Variants in ELAVL2 observed in about 807,000 individuals in gnomAD.
The protein encoded by ELAVL2 is ELAV-like protein 2.
Under a neutral mutation model 34.6 loss-of-function variants are expected in ELAVL2, and 4 were observed. The ratio of observed to expected loss-of-function variants is 0.12; its 90% CI spans 0.06 to 0.26. The LOEUF (loss-of-function observed/expected upper bound fraction) is 0.26, where lower values mean the gene tolerates loss of function less well. Ranked by LOEUF, ELAVL2 falls within the 10% of genes least tolerant of loss-of-function variation. ELAVL2 has a pLI of 1.00. For missense variants in ELAVL2, 432 were observed against 442.8 expected, an observed-to-expected ratio of 0.98 and a Z score of 0.22; for synonymous variants, 193 against 154.8, an observed-to-expected ratio of 1.25 and a Z score of -1.83.
intron 2 of ELAVL2, among the ~76,000 whole-genome samples, chr9:23,751,572 G>A (rs146582799): frequency 4.6e-4 from 70 of 152,196 alleles, no homozygotes; most frequent in African/African-American, 1.7e-3. Context: ...ATCTAGACTT[G>A]AACATCATCT....
At chr9:23,788,010 C>T (rs1049351443) in intron 1 of ELAVL2, among the ~76,000 whole-genome samples, 1 of 151,940 alleles carries the variant, frequency 6.6e-6, no homozygotes, top group South Asian at 2.1e-4. Context: ...TAAAAAGGCG[C>T]AAAAAACCAG....
chr9:23,834,035 G>T, the ELAVL2 span, among the ~76,000 whole-genome samples: 2 of 151,786 alleles, frequency 1.3e-5, no homozygotes, highest in African/African-American at 4.8e-5. Flanking sequence ...TTTCAATTTG[G>T]TTCAGCATCC....
chr9:23,838,462 A>G, the ELAVL2 span, among the ~76,000 whole-genome samples: 1 of 152,136 alleles, frequency 6.6e-6, no homozygotes, highest in Non-Finnish European at 1.5e-5. Context: ...TATAAACAAA[A>G]TAATATTCAC....
chr9:23,842,936 A>AT, the ELAVL2 span, among the ~76,000 whole-genome samples: 11 of 152,188 alleles, frequency 7.2e-5, no homozygotes, highest in East Asian at 1.9e-3. Context: ...TGTACTTGCC[A>AT]TTTTTTCCTG....
intron 3 of ELAVL2, among the ~76,000 whole-genome samples, chr9:23,708,858 G>A (rs559306230): frequency 1.3e-5 from 2 of 151,896 alleles, no homozygotes; most frequent in African/African-American, 4.8e-5. Flanking sequence ...GCCTGGTCTC[G>A]AATGCCTGAC....
chr9:23,712,608 G>A (rs189849518), intron 3 of ELAVL2, among the ~76,000 whole-genome samples: 9 of 152,112 alleles, frequency 5.9e-5, no homozygotes, highest in South Asian at 2.1e-4. Flanking sequence ...CAATTAAAAC[G>A]TACCAACCTA....
At position 23,793,625 on chromosome 9, in the gene ELAVL2, C is replaced by A. The variant is rs553090813; in HGVS notation, c.-15-31376G>T. Among the ~76,000 whole-genome samples, 3 of 152,276 alleles carry A rather than the reference C, an allele frequency of 2.0e-5. No individual in the cohort carries two copies. In the East Asian group the frequency reaches 5.8e-4, roughly 29 times the overall value. ...TCATAACAAGCCTCTTCAACACTCTCTTTATGAGAGCCTGAGCTTCGTAAC... is the reference window on the plus strand; with the variant it reads ...TCATAACAAGCCTCTTCAACACTCTATTTATGAGAGCCTGAGCTTCGTAAC... On this transcript the variant is annotated intron_variant, in intron 1 of 6. Transcript: ENST00000397312.
chr9:23,822,594 C>T (rs2064968565), intron 1 of ELAVL2, among the ~76,000 whole-genome samples: 2 of 152,200 alleles, frequency 1.3e-5, no homozygotes, highest in Non-Finnish European at 2.9e-5. Flanking sequence ...CCCGGCCCCA[C>T]GGCTGGAAGT....
At chr9:23,830,368 C>G (rs1445084592), upstream of ELAVL2, 2 of 152,118 alleles carry the variant, frequency 1.3e-5, no homozygotes, top group Non-Finnish European at 2.9e-5. Flanking sequence ...AGCGGGATCT[C>G]AAACATCCTT....
At chr9:23,811,063 G>GT (rs1564559733) in intron 1 of ELAVL2, among the ~76,000 whole-genome samples, 2 of 152,130 alleles carry the variant, frequency 1.3e-5, no homozygotes, top group Non-Finnish European at 2.9e-5. Flanking sequence ...CATAGAAGTT[G>GT]TACAAAAGGA....
chr9:23,736,273 G>T (rs1162479113), intron 2 of ELAVL2, among the ~76,000 whole-genome samples: 1 of 151,950 alleles, frequency 6.6e-6, no homozygotes, highest in Non-Finnish European at 1.5e-5. Context: ...ATAAAATTTT[G>T]TATTTAAAAA....
chr9:23,814,472 C>G (rs1207037882), intron 1 of ELAVL2, among the ~76,000 whole-genome samples: 1 of 152,022 alleles, frequency 6.6e-6, no homozygotes, highest in South Asian at 2.1e-4. Context: ...AAATTCCTTG[C>G]GGAGACTATG....
intron 1 of ELAVL2, among the ~76,000 whole-genome samples, chr9:23,824,071 C>G (rs980944108): frequency 6.6e-5 from 10 of 152,154 alleles, no homozygotes; most frequent in Non-Finnish European, 1.0e-4. Context: ...CCATCCCTGT[C>G]CAGCAGTGTT....
At chr9:23,771,690 C>A (rs968089895) in intron 1 of ELAVL2, among the ~76,000 whole-genome samples, 1 of 152,228 alleles carries the variant, frequency 6.6e-6, no homozygotes, top group African/African-American at 2.4e-5. Context: ...TGTGAGCCCC[C>A]TTAAAACTTT....
At chr9:23,813,183 T>C (rs2063239440) in intron 1 of ELAVL2, among the ~76,000 whole-genome samples, 1 of 152,186 alleles carries the variant, frequency 6.6e-6, no homozygotes, top group Admixed American at 6.5e-5. Context: ...CCACCTTCCT[T>C]ATTGTAAAAT....
chr9:23,752,603 C>T (rs1472468875), intron 2 of ELAVL2, among the ~76,000 whole-genome samples: 7 of 151,974 alleles, frequency 4.6e-5, no homozygotes, highest in African/African-American at 1.7e-4. Flanking sequence ...TACAGGCACC[C>T]AGCACCAAGT....
At chr9:23,805,531 A>G (rs963365265) in intron 1 of ELAVL2, among the ~76,000 whole-genome samples, 2 of 152,208 alleles carry the variant, frequency 1.3e-5, no homozygotes, top group Non-Finnish European at 2.9e-5. Context: ...AGGCAGGCCT[A>G]CAACATACAA....
intron 1 of ELAVL2, among the ~76,000 whole-genome samples, chr9:23,792,377 G>A (rs2060426205): frequency 6.6e-6 from 1 of 152,066 alleles, no homozygotes; most frequent in Non-Finnish European, 1.5e-5. Flanking sequence ...ATGCCCCCTC[G>A]CTTTTGAATC....
intron 2 of ELAVL2, among the ~76,000 whole-genome samples, chr9:23,751,413 C>A (rs144188166): frequency 4.6e-5 from 7 of 152,206 alleles, no homozygotes; most frequent in Admixed American, 3.3e-4. Flanking sequence ...TCTGTGATGA[C>A]TGAATGAAGA....
Sources: gnomAD v4.1 joint callset for allele counts (sites outside exome capture counted in the v4.1 genomes callset) on GRCh38, gnomAD v4.1.1 for gene constraint, MANE v1.5 for transcripts, NCBI Gene and HGNC (gene_info 2026-07-23, HGNC 2026-07-21) for gene names.